Variants in BTRC observed in about 807,000 individuals in gnomAD.
BTRC encodes F-box/WD repeat-containing protein 1A.
BTRC carries 42 observed loss-of-function variants against 85.5 expected under a neutral mutation model. The ratio of observed to expected loss-of-function variants is 0.49; its 90% CI spans 0.38 to 0.64. The LOEUF is 0.64. Ranked by LOEUF, BTRC falls within the 30% of genes least tolerant of loss-of-function variation. The probability of loss-of-function intolerance (pLI) is 0.00; values close to 1 mark genes in which losing one functional copy is unlikely to be tolerated. For synonymous variants in BTRC, 255 were observed against 263.3 expected, an observed-to-expected ratio of 0.97 and a Z score of 0.30; for missense variants, 594 against 743.5, an observed-to-expected ratio of 0.80 and a Z score of 2.34.
In BTRC at chr10:101,366,776, A is replaced by ATTTTTTTTTT. The variant is rs1487948167; in HGVS notation, c.48+12549_48+12550insTTTTTTTTTT. The stretch of plus-strand genomic sequence containing the variant: ...TTGGACTTAATCTAGTTATATATAT[A>ATTTTTTTTTT]TATATATATATATTTTTACATTTAT... On this transcript the variant is annotated intron_variant, in intron 1 of 14. Coordinates refer to ENST00000370187, the MANE Select transcript of BTRC (RefSeq NM_033637.4). 3.1e-3 allele frequency among the ~76,000 whole-genome samples: 341 copies of ATTTTTTTTTT among 110,662 alleles called. 8 individuals carry two copies. The highest frequency in any genetic ancestry group is 4.5e-3 in the Non-Finnish European group (258 of 57,378). 72.6% of individuals were successfully genotyped at this position (110,662 alleles called of 152,430 possible).
chr10:101,448,399 A>G (rs1415186829), intron 2 of BTRC, among the ~76,000 whole-genome samples: 1 of 152,098 alleles, frequency 6.6e-6, no homozygotes. Context: ...TTATTAAATT[A>G]CCCCTGGTAG....
intron 5 of BTRC, among the ~76,000 whole-genome samples, chr10:101,524,296 G>T (rs1039100719): frequency 3.3e-5 from 5 of 152,136 alleles, no homozygotes; most frequent in African/African-American, 4.8e-5. Context: ...AAAACAGTCT[G>T]TGTGTACCTC....
At chr10:101,532,558 A>G (rs893518393) in intron 8 of BTRC, 126 bp downstream of exon 8, 3 of 1,280,460 alleles carry the variant, frequency 2.3e-6, no homozygotes, top group African/African-American at 3.0e-5. Flanking sequence ...GATTGTTTCC[A>G]GTCCCAAAGC....
At chr10:101,463,462 G>A (rs1945283442) in intron 3 of BTRC, among the ~76,000 whole-genome samples, 1 of 152,100 alleles carries the variant, frequency 6.6e-6, no homozygotes, top group Admixed American at 6.5e-5. Context: ...TTACAGACAT[G>A]AGCCACCACA....
intron 1 of BTRC, among the ~76,000 whole-genome samples, chr10:101,402,014 A>G (rs1214918530): frequency 6.6e-6 from 1 of 152,162 alleles, no homozygotes; most frequent in Non-Finnish European, 1.5e-5. Flanking sequence ...TGTTTTCTGT[A>G]CTGAAGCAGA....
Position 101,552,801 on chromosome 10 carries a change from T to C in BTRC, c.*32-354T>C, listed in dbSNP as rs562741028. 9.8e-4 allele frequency among the ~76,000 whole-genome samples: 149 copies of C among 152,298 alleles called. 1 individual carries two copies. The highest frequency in any genetic ancestry group is 3.5e-3 in the African/African-American group (146 of 41,572). The stretch of plus-strand genomic sequence containing the variant: ...TCTGTTACTGGCACCGCCATGCTCA[T>C]GGCCACTCAAAAGGCAGGGCCCACA... On this transcript the variant is annotated intron_variant, in intron 14 of 14. Transcript: ENST00000370187.
intron 2 of BTRC, among the ~76,000 whole-genome samples, chr10:101,450,520 G>GA (rs1944932123): frequency 6.6e-6 from 1 of 152,076 alleles, no homozygotes; most frequent in African/African-American, 2.4e-5. Flanking sequence ...AAAAGAGCAG[G>GA]AGGCAGGCTT....
chr10:101,497,710 T>A (rs983758053), intron 4 of BTRC, among the ~76,000 whole-genome samples: 22 of 151,702 alleles, frequency 1.5e-4, no homozygotes, highest in African/African-American at 5.3e-4. Flanking sequence ...TGTCTATCAG[T>A]CAATCAACCC....
At chr10:101,507,911 C>T (rs1415129539) in intron 4 of BTRC, among the ~76,000 whole-genome samples, 5 of 152,040 alleles carry the variant, frequency 3.3e-5, no homozygotes, top group South Asian at 4.2e-4. Flanking sequence ...AGTGGGTTTA[C>T]CAGCCTTGGA....
chr10:101,527,826 ATAT>A (rs1401103024), intron 6 of BTRC, among the ~76,000 whole-genome samples: 99 of 152,132 alleles, frequency 6.5e-4, no homozygotes, highest in African/African-American at 2.3e-3. Flanking sequence ...ACACAAAAGA[ATAT>A]TATTACTACT....
intron 1 of BTRC, among the ~76,000 whole-genome samples, chr10:101,405,132 T>TC (rs1249819831): frequency 2.0e-5 from 3 of 151,912 alleles, no homozygotes; most frequent in Admixed American, 2.0e-4. Flanking sequence ...CTCTGTACAA[T>TC]CTCCCCAGTA....
chr10:101,438,379 C>T lies in BTRC; in HGVS notation c.156+7927C>T, dbSNP rs1171548643. Reference sequence around the variant, plus strand: ...GGCAGAGCTTGCAGTGAGCCGAGATCGCGCCACTACACTCCAGCCTGGGCG... The same window carrying T: ...GGCAGAGCTTGCAGTGAGCCGAGATTGCGCCACTACACTCCAGCCTGGGCG... On this transcript the variant is annotated intron_variant, in intron 2 of 14. Transcript: ENST00000370187. Among the ~76,000 whole-genome samples the T allele has an allele frequency of 3.7e-5, 5 of 134,132 alleles. No homozygotes were observed. The Admixed American group carries it at 4.5e-4, about 12-fold the overall frequency. 88.0% of individuals were successfully genotyped at this position (134,132 alleles called of 152,430 possible). A position where few individuals can be genotyped will look rare whatever the true frequency, so the allele number is the denominator to read the frequency against.
chr10:101,403,652 A>G lies in BTRC; in HGVS notation c.49-26693A>G, dbSNP rs543118675. On this transcript the variant is annotated intron_variant, in intron 1 of 14. Transcript: ENST00000370187. ...GTTGCCCAAACCAGAGTGCAGTAGC[A>G]TGATCATGGCTCACTGCAGCCTCGA... 1.4e-4 allele frequency among the ~76,000 whole-genome samples: 21 copies of G among 152,168 alleles called. No homozygotes were observed. In the South Asian group the frequency reaches 4.4e-3, roughly 32 times the overall value.
chr10:101,531,760 C>T (rs1016029088), intron 7 of BTRC, among the ~76,000 whole-genome samples: 1 of 151,878 alleles, frequency 6.6e-6, no homozygotes, highest in Non-Finnish European at 1.5e-5. Flanking sequence ...TCTTTACAGG[C>T]GAGTAGGGTA....
At chr10:101,356,357 T>C (rs1035041662) in intron 1 of BTRC, among the ~76,000 whole-genome samples, 3 of 152,258 alleles carry the variant, frequency 2.0e-5, no homozygotes, top group Non-Finnish European at 4.4e-5. Flanking sequence ...AATAATGTGA[T>C]TTACAGATCA....
At chr10:101,529,069 A>G (rs1345385802) in intron 6 of BTRC, among the ~76,000 whole-genome samples, 1 of 152,238 alleles carries the variant, frequency 6.6e-6, no homozygotes, top group Non-Finnish European at 1.5e-5. Flanking sequence ...CTTAATCAGC[A>G]GATCACATTT....
chr10:101,419,489 C>G (rs1453643969), intron 1 of BTRC, among the ~76,000 whole-genome samples: 1 of 152,116 alleles, frequency 6.6e-6, no homozygotes. Context: ...TGGTGGAATT[C>G]TTTTCTTCAA....
chr10:101,552,498 T>C (rs2062667748), intron 14 of BTRC, among the ~76,000 whole-genome samples: 1 of 152,022 alleles, frequency 6.6e-6, no homozygotes, highest in Non-Finnish European at 1.5e-5. Context: ...CCGGCCTGTC[T>C]CTGGCTTTTC....
chr10:101,408,928 A>G (rs1943701426), intron 1 of BTRC, among the ~76,000 whole-genome samples: 1 of 152,010 alleles, frequency 6.6e-6, no homozygotes, highest in Non-Finnish European at 1.5e-5. Context: ...GGGCGCATGA[A>G]AGCCCAGCTA....
Sources: gnomAD v4.1 joint callset for allele counts (sites outside exome capture counted in the v4.1 genomes callset) on GRCh38, gnomAD v4.1.1 for gene constraint, MANE v1.5 for transcripts, NCBI Gene and HGNC (gene_info 2026-07-23, HGNC 2026-07-21) for gene names.